Variants in MYO1D observed in about 807,000 individuals in gnomAD.
MYO1D encodes unconventional myosin-Id.
A neutral mutation model predicts 122.0 loss-of-function variants in MYO1D; 83 were observed. The observed-to-expected ratio is 0.68, with a 90% CI of 0.57 to 0.82. The LOEUF is 0.82. MYO1D is among the 40% of genes least tolerant of loss of function. The pLI is 0.00. For missense variants in MYO1D, 1,157 were observed against 1,269.5 expected (o/e 0.91, Z 1.35); for synonymous variants, 464 against 446.9 (o/e 1.04, Z -0.48).
At chr17:32,623,592 G>A (rs137997022) in intron 20 of MYO1D, among the ~76,000 whole-genome samples, 9 of 152,278 alleles carry the variant, frequency 5.9e-5, no homozygotes, top group African/African-American at 2.2e-4. Flanking sequence ...TTAAACCATG[G>A]TCAATGACTT....
At chr17:32,548,595 G>A (rs1158171917) in intron 21 of MYO1D, among the ~76,000 whole-genome samples, 1 of 152,118 alleles carries the variant, frequency 6.6e-6, no homozygotes, top group East Asian at 1.9e-4. Context: ...TTGGCAACGT[G>A]GGGAAAAATC....
In MYO1D at chr17:32,768,806, C is replaced by CA. The variant is rs563047370; in HGVS notation, c.715-1055dup. 4.4e-3 allele frequency among the ~76,000 whole-genome samples: 666 copies of CA among 150,646 alleles called. 6 individuals are homozygous for CA. The highest frequency in any genetic ancestry group is 0.015 in the African/African-American group (609 of 41,092). On this transcript the variant is annotated intron_variant, in intron 6 of 21. Transcript: ENST00000318217. ...AAAGCACCTCTCTAGCACCAGCATA[C>CA]AAAAAAAAACCACTCAGCAGTATCA... is the stretch of plus-strand genomic sequence containing the variant.
Position 32,760,620 on chromosome 17 carries a change from T to C in MYO1D, c.1043A>G (p.Tyr348Cys), listed in dbSNP as rs1467318656. The change falls in exon 9 of 22, where the codon TAT becomes TGT. Residue 348 changes from tyrosine to cysteine, a missense_variant. Transcript: ENST00000318217. The part of the protein sequence containing the change: ...YGRDAFAKAI[Y>C]ERLFCWIVTR... ...AACGATCCAACAAAAAAGGCGCTCATATATTGCCTGCAAGGAAAATAGCAT... is the reference window on the plus strand; with the variant it reads ...AACGATCCAACAAAAAAGGCGCTCACATATTGCCTGCAAGGAAAATAGCAT... The C allele has an allele frequency of 1.2e-6, 2 of 1,601,632 alleles. No homozygotes were observed. The highest frequency in any genetic ancestry group is 1.3e-5 in the African/African-American group (1 of 74,102).
chr17:32,659,283 G>A lies in MYO1D; in HGVS notation c.2177C>T (p.Thr726Ile), dbSNP rs748495676. Residue 726 changes from threonine (T) to isoleucine (I), a missense_variant, in exon 17 of 22, where the codon ACA becomes ATA. By Grantham distance (89) the Thr-to-Ile change is moderately conservative (BLOSUM62 -1). Coordinates refer to ENST00000318217, the MANE Select transcript of MYO1D (RefSeq NM_015194.3). Reference protein sequence around the residue: ...MRYKRTKAALTIIRYYRRYKV... With the variant: ...MRYKRTKAALIIIRYYRRYKV... ...GTAGCGCCGGTAGTACCTGATTATTGTCAGAGCTGCCTTGGTTCTTTTGTA... is the reference window on the plus strand; with the variant it reads ...GTAGCGCCGGTAGTACCTGATTATTATCAGAGCTGCCTTGGTTCTTTTGTA... The A allele has an allele frequency of 2.5e-6, 4 of 1,614,248 alleles. No homozygotes were observed. Among genetic ancestry groups the A allele is most frequent in the Non-Finnish European group, 3.4e-6 (4 of 1,180,042 alleles).
chr17:32,620,627 A>G (rs1399185749), intron 20 of MYO1D, among the ~76,000 whole-genome samples: 1 of 152,142 alleles, frequency 6.6e-6, no homozygotes, highest in Non-Finnish European at 1.5e-5. Context: ...GAATCTTCTT[A>G]AATTTGTTTT....
chr17:32,633,399 C>T (rs2088049889), intron 20 of MYO1D, among the ~76,000 whole-genome samples: 1 of 152,188 alleles, frequency 6.6e-6, no homozygotes, highest in Non-Finnish European at 1.5e-5. Context: ...GCTCTTCACT[C>T]TAGTGTTTCA....
intron 20 of MYO1D, among the ~76,000 whole-genome samples, chr17:32,616,047 CAGTG>C (rs1434789406): frequency 1.2e-4 from 19 of 152,294 alleles, no homozygotes; most frequent in African/African-American, 4.6e-4. Context: ...CACAGATGGT[CAGTG>C]AGTGTTTTGT....
rs775350116 is a variant in MYO1D, at chr17:32,712,209, A to G, written c.1914-14T>C. 1 of 1,601,776 alleles carries G rather than the reference A, an allele frequency of 6.2e-7. No individual in the cohort carries two copies. Among genetic ancestry groups the G allele is most frequent in the Admixed American group, 1.7e-5 (1 of 59,970 alleles). ...ATCATCTTATACCTGGATGAAAAAA[A>G]GAAACAGGGTTAAGGGAGAAAACCA... On this transcript the variant is annotated splice_polypyrimidine_tract_variant and intron_variant, in intron 15 of 21. Transcript: ENST00000318217.
intron 21 of MYO1D, among the ~76,000 whole-genome samples, chr17:32,564,732 C>T (rs892065606): frequency 5.3e-5 from 8 of 152,174 alleles, no homozygotes; most frequent in African/African-American, 1.9e-4. Context: ...GCTGGAAGCC[C>T]TTCCACATAG....
intron 16 of MYO1D, among the ~76,000 whole-genome samples, chr17:32,698,385 C>T (rs1459623412): frequency 3.1e-5 from 4 of 128,426 alleles, no homozygotes; most frequent in South Asian, 2.8e-4. Context: ...TTCCCTCCTT[C>T]CTTCTTTTCT....
chr17:32,683,562 G>GGGGGTCA (rs1268276147), intron 16 of MYO1D, among the ~76,000 whole-genome samples: 6 of 151,734 alleles, frequency 4.0e-5, no homozygotes, highest in African/African-American at 1.5e-4. Flanking sequence ...TAGGCTGCTC[G>GGGGGTCA]GGGGTCAGGG....
intron 20 of MYO1D, among the ~76,000 whole-genome samples, chr17:32,627,981 G>A (rs1482848497): frequency 6.6e-6 from 1 of 152,134 alleles, no homozygotes; most frequent in Non-Finnish European, 1.5e-5. Flanking sequence ...TCAGCCACGG[G>A]GAGCAATCTT....
intron 1 of MYO1D, among the ~76,000 whole-genome samples, chr17:32,847,508 G>A (rs2090948995): frequency 6.6e-6 from 1 of 152,146 alleles, no homozygotes. Context: ...GTCCCAATGG[G>A]ATAGAATAGT....
At chr17:32,569,959 GT>G (rs1282100235) in intron 21 of MYO1D, among the ~76,000 whole-genome samples, 1 of 152,196 alleles carries the variant, frequency 6.6e-6, no homozygotes, top group Non-Finnish European at 1.5e-5. Flanking sequence ...AGCAGATGCA[GT>G]TTTGGTTAGA....
intron 21 of MYO1D, among the ~76,000 whole-genome samples, chr17:32,556,095 T>C (rs1315959550): frequency 6.6e-6 from 1 of 152,196 alleles, no homozygotes; most frequent in Non-Finnish European, 1.5e-5. Context: ...ACAGGGAGTG[T>C]GATGTGTCTA....
chr17:32,542,822 C>T (rs184287057), intron 21 of MYO1D, among the ~76,000 whole-genome samples: 36 of 152,280 alleles, frequency 2.4e-4, no homozygotes, highest in Non-Finnish European at 4.1e-4. Flanking sequence ...AGTTCCCTAA[C>T]CCCAGAGGTA....
chr17:32,782,866 C>T (rs371697499), intron 1 of MYO1D, among the ~76,000 whole-genome samples: 43 of 151,312 alleles, frequency 2.8e-4, no homozygotes, highest in African/African-American at 1.0e-3. Flanking sequence ...ACCTGGGAGG[C>T]GGAGGTTGCA....
At chr17:32,726,239 T>C (rs1409181550) in intron 14 of MYO1D, among the ~76,000 whole-genome samples, 1 of 151,964 alleles carries the variant, frequency 6.6e-6, no homozygotes, top group Non-Finnish European at 1.5e-5. Flanking sequence ...GCCAACATGG[T>C]GAAACCCCAT....
At chr17:32,707,196 G>A (rs1440035005) in intron 16 of MYO1D, among the ~76,000 whole-genome samples, 1 of 152,028 alleles carries the variant, frequency 6.6e-6, no homozygotes, top group Admixed American at 6.5e-5. Context: ...ATAGGAAAAG[G>A]ATGAACAACC....
Sources: allele counts gnomAD v4.1 joint callset (sites outside exome capture counted in the v4.1 genomes callset), GRCh38; gene constraint gnomAD v4.1.1; transcripts MANE v1.5; gene names NCBI Gene and HGNC (gene_info 2026-07-23, HGNC 2026-07-21).